The following P2RY6 variants were observed in gnomAD, a reference collection of about 807,000 sequenced individuals.
The protein encoded by P2RY6 is pyrimidinergic receptor P2Y6, also known as P2Y purinoceptor 6.
Under a neutral mutation model 16.3 loss-of-function variants are expected in P2RY6, and 19 were observed. The observed-to-expected ratio is 1.16, with a 90% CI of 0.81 to 1.71. The LOEUF (loss-of-function observed/expected upper bound fraction) is 1.71, where lower values mean the gene tolerates loss of function less well. Ranked by LOEUF, P2RY6 falls within the 40% of genes most tolerant of loss-of-function variation. The pLI is 0.00. For missense variants in P2RY6, 389 were observed against 455.5 expected (o/e 0.85, Z 1.33); for synonymous variants, 184 against 201.5 (o/e 0.91, Z 0.74).
intron 1 of P2RY6, among the ~76,000 whole-genome samples, chr11:73,287,691 G>A (rs1427602010): frequency 6.6e-6 from 1 of 152,222 alleles, no homozygotes; most frequent in East Asian, 1.9e-4. Context: ...CTAAGCAGCA[G>A]GTTCCTTCTC....
At chr11:73,286,586 A>AAAAT (rs1863982970) in intron 1 of P2RY6, among the ~76,000 whole-genome samples, 1 of 151,818 alleles carries the variant, frequency 6.6e-6, no homozygotes, top group Admixed American at 6.6e-5. Context: ...AAAAAAAAAA[A>AAAAT]AAAATGGAAC....
At position 73,298,387 on chromosome 11, in the gene P2RY6, T is replaced by C. The variant is rs7115806; in HGVS notation, c.*882T>C. On this transcript the variant is annotated 3_prime_UTR_variant, in exon 3 of 3. Transcript: ENST00000540124. ...GAGAAAATGGGAGCTGTGCTTCAGC[T>C]ACCCTCCAGACAAGGGCAAGAGTTA... 39,993 of 167,124 alleles carry C rather than the reference T, an allele frequency of 0.24. 7,975 individuals are homozygous for C. Among genetic ancestry groups the C allele is most frequent in the African/African-American group, 0.57 (23,694 of 41,500 alleles). 10.4% of individuals were successfully genotyped at this position (167,124 alleles called of 1,614,324 possible). A position where few individuals can be genotyped will look rare whatever the true frequency, so the allele number is the denominator to read the frequency against.
intron 1 of P2RY6, among the ~76,000 whole-genome samples, chr11:73,278,416 G>A (rs1480849365): frequency 6.6e-6 from 1 of 152,046 alleles, no homozygotes; most frequent in African/African-American, 2.4e-5. Flanking sequence ...CACCCGCCTA[G>A]GCCTCCCAAA....
At chr11:73,282,431 A>G (rs1863802054) in intron 1 of P2RY6, among the ~76,000 whole-genome samples, 1 of 152,130 alleles carries the variant, frequency 6.6e-6, no homozygotes, top group African/African-American at 2.4e-5. Context: ...GCCTGGCCCT[A>G]ATGACCCCAC....
chr11:73,270,857 A>T (rs2135685338), upstream of P2RY6, among the ~76,000 whole-genome samples: 1 of 152,108 alleles, frequency 6.6e-6, no homozygotes, highest in East Asian at 1.9e-4. Flanking sequence ...GGAGAGGGTG[A>T]TCTGGCAAAT....
At chr11:73,293,362 A>G (rs1864348656) in intron 1 of P2RY6, among the ~76,000 whole-genome samples, 1 of 152,210 alleles carries the variant, frequency 6.6e-6, no homozygotes, top group Admixed American at 6.5e-5. Context: ...CTTGAATGTC[A>G]GGAAAAGGGT....
chr11:73,266,882 C>G (rs1420608775), intron 1 of P2RY6, among the ~76,000 whole-genome samples: 2 of 152,118 alleles, frequency 1.3e-5, no homozygotes, highest in Non-Finnish European at 2.9e-5. Flanking sequence ...CTGGACAGAG[C>G]CCTCCTGGGG....
intron 1 of P2RY6, among the ~76,000 whole-genome samples, chr11:73,291,019 G>A (rs1864221718): frequency 1.3e-5 from 2 of 152,212 alleles, no homozygotes; most frequent in Admixed American, 1.3e-4. Flanking sequence ...TTGTTGAGGT[G>A]CCAGGCCAGG....
intron 1 of P2RY6, among the ~76,000 whole-genome samples, chr11:73,294,265 C>T (rs1864387900): frequency 6.6e-6 from 1 of 152,216 alleles, no homozygotes; most frequent in Non-Finnish European, 1.5e-5. Context: ...CATCAGGTGG[C>T]TCACACTGGT....
At position 73,296,698 on chromosome 11, in the gene P2RY6, C is replaced by T. The variant is rs759098279; in HGVS notation, c.180C>T (p.Arg60=). 6.2e-6 allele frequency: 10 copies of T among 1,614,116 alleles called. No homozygotes were observed. The highest frequency in any genetic ancestry group is 7.6e-6 in the Non-Finnish European group (9 of 1,180,028). The change falls in exon 3 of 3, where the codon CGC becomes CGT. Residue 60 remains arginine (R), a synonymous_variant. Transcript: ENST00000540124. ...GCACGTCCCGCCGGGCCCTGACCCG[C>T]ACGGCCGTGTACACCCTAAACCTTG... ...QICTSRRALT[R]TAVYTLNLAL...
chr11:73,277,851 G>C (rs1863602739), intron 1 of P2RY6, among the ~76,000 whole-genome samples: 1 of 152,224 alleles, frequency 6.6e-6, no homozygotes, highest in South Asian at 2.1e-4. Flanking sequence ...CTGCTCTACA[G>C]ATATCCTCGA....
chr11:73,286,692 T>C (rs1565168343), intron 1 of P2RY6, among the ~76,000 whole-genome samples: 1 of 152,054 alleles, frequency 6.6e-6, no homozygotes, highest in Non-Finnish European at 1.5e-5. Flanking sequence ...AAGCCTATAC[T>C]GGTCTCTGAG....
chr11:73,290,218 G>A (rs148385646), intron 1 of P2RY6, among the ~76,000 whole-genome samples: 2,512 of 148,612 alleles, frequency 0.017, 57 homozygotes, highest in African/African-American at 0.06. Context: ...GTGAAACTCC[G>A]TCAAAAAAAG....
At position 73,295,744 on chromosome 11, in the gene P2RY6, G is replaced by A; in HGVS notation, c.-106G>A. 1.0e-6 allele frequency: 1 copy of A among 984,914 alleles called. No individual in the cohort carries two copies. The highest frequency in any genetic ancestry group is 1.2e-6 in the Non-Finnish European group (1 of 829,468). 61.0% of individuals were successfully genotyped at this position (984,914 alleles called of 1,614,324 possible). A position where few individuals can be genotyped will look rare whatever the true frequency, so the allele number is the denominator to read the frequency against. ...CTATTTTACAGATAACAAGACCTCT[G>A]CCAGAAGAACCATGGCTTTGGAAGG... is the stretch of plus-strand genomic sequence containing the variant. On this transcript the variant is annotated 5_prime_UTR_variant, in exon 2 of 3. Transcript: ENST00000540124.
chr11:73,295,123 C>T (rs560975485), intron 1 of P2RY6, among the ~76,000 whole-genome samples: 43 of 152,154 alleles, frequency 2.8e-4, no homozygotes, highest in Non-Finnish European at 5.9e-4. Context: ...TTTCTCTAGA[C>T]ACCAGTAATA....
In P2RY6 at chr11:73,272,446, G is replaced by A. The variant is rs111387829; in HGVS notation, c.-141G>A. On this transcript the variant is annotated 5_prime_UTR_variant, in exon 1 of 3. Coordinates refer to ENST00000540124, the MANE Select transcript of P2RY6 (RefSeq NM_001277204.2). ...CTCCAGCACTTCACGGACTGCAAGCGAGGCACTTGCTAACTCTTGGGTGAG... is the reference window on the plus strand; with the variant it reads ...CTCCAGCACTTCACGGACTGCAAGCAAGGCACTTGCTAACTCTTGGGTGAG... The A allele has an allele frequency of 1.3e-4, 129 of 985,552 alleles. 5 individuals are homozygous for A. The Admixed American group carries it at 2.8e-3, about 21-fold the overall frequency. The allele number at this position is 985,552 out of a possible 1,614,324, so 61.1% of individuals were successfully genotyped here.
At chr11:73,282,304 A>G (rs984409510) in intron 1 of P2RY6, among the ~76,000 whole-genome samples, 1 of 152,176 alleles carries the variant, frequency 6.6e-6, no homozygotes, top group Non-Finnish European at 1.5e-5. Flanking sequence ...TCTAAGTCTC[A>G]AATTTGATCA....
upstream of P2RY6, among the ~76,000 whole-genome samples, chr11:73,268,634 A>G (rs1863183371): frequency 6.6e-6 from 1 of 152,106 alleles, no homozygotes; most frequent in Non-Finnish European, 1.5e-5. Context: ...GAAAAAAAAG[A>G]TGTCCAGTCT....
chr11:73,272,549 C>G, intron 1 of P2RY6, 83 bp downstream of exon 1: 1 of 977,140 alleles, frequency 1.0e-6, no homozygotes, highest in Non-Finnish European at 1.2e-6. Flanking sequence ...AGTCCACTTG[C>G]AGCCACCGAG....
Sources: allele counts gnomAD v4.1 joint callset (sites outside exome capture counted in the v4.1 genomes callset), GRCh38; gene constraint gnomAD v4.1.1; transcripts MANE v1.5; gene names NCBI Gene and HGNC (gene_info 2026-07-23, HGNC 2026-07-21).